Variants in KCNH8 observed in about 807,000 individuals in gnomAD.
KCNH8 encodes potassium voltage-gated channel subfamily H member 8, also known as voltage-gated delayed rectifier potassium channel KCNH8.
A neutral mutation model predicts 103.6 loss-of-function variants in KCNH8; 70 were observed. That is an observed-to-expected ratio of 0.68 (90% CI 0.56 to 0.82). The LOEUF (loss-of-function observed/expected upper bound fraction) is 0.82. KCNH8 is among the 40% of genes least tolerant of loss of function. The pLI is 0.00. For missense variants in KCNH8, 1,217 were observed against 1,329.9 expected (o/e 0.92, Z 1.32); for synonymous variants, 498 against 489.4 (o/e 1.02, Z -0.23).
At chr3:19,279,530 A>G (rs916245987) in intron 2 of KCNH8, among the ~76,000 whole-genome samples, 6 of 151,142 alleles carry the variant, frequency 4.0e-5, no homozygotes, top group African/African-American at 1.5e-4. Flanking sequence ...CATGGCATAG[A>G]TATTGGGGCA....
chr3:19,169,572 T>C (rs1175566873), intron 1 of KCNH8, among the ~76,000 whole-genome samples: 2 of 152,120 alleles, frequency 1.3e-5, no homozygotes, highest in South Asian at 2.1e-4. Context: ...TTTTCTAACA[T>C]TGGAATGAAA....
At chr3:19,157,887 C>T (rs2063196565) in intron 1 of KCNH8, among the ~76,000 whole-genome samples, 3 of 151,626 alleles carry the variant, frequency 2.0e-5, no homozygotes, top group Admixed American at 2.0e-4. Context: ...GAATTGTATA[C>T]ATTGTCCCAG....
chr3:19,245,472 TA>T (rs1240607072), intron 1 of KCNH8, among the ~76,000 whole-genome samples: 1 of 152,232 alleles, frequency 6.6e-6, no homozygotes, highest in East Asian at 1.9e-4. Flanking sequence ...AATTTTAGAA[TA>T]TTTTATTCTA....
At chr3:19,464,637 A>G (rs1178887010) in intron 11 of KCNH8, among the ~76,000 whole-genome samples, 3 of 152,162 alleles carry the variant, frequency 2.0e-5, no homozygotes, top group Admixed American at 6.5e-5. Flanking sequence ...TTTGAAAAAG[A>G]AAGAATATCC....
chr3:19,345,108 A>G (rs1163215154), intron 4 of KCNH8, among the ~76,000 whole-genome samples: 1 of 152,072 alleles, frequency 6.6e-6, no homozygotes, highest in African/African-American at 2.4e-5. Flanking sequence ...TTTGCCTGGT[A>G]TACCTTGAAA....
intron 8 of KCNH8, among the ~76,000 whole-genome samples, chr3:19,442,497 G>A (rs1297267489): frequency 6.6e-6 from 1 of 152,148 alleles, no homozygotes; most frequent in East Asian, 1.9e-4. Context: ...GCTGTTCTCT[G>A]TAGGTAGGTG....
chr3:19,186,359 G>A (rs996072579), intron 1 of KCNH8, among the ~76,000 whole-genome samples: 1 of 150,826 alleles, frequency 6.6e-6, no homozygotes, highest in Non-Finnish European at 1.5e-5. Flanking sequence ...CTTTACACTT[G>A]CACATGCCTT....
chr3:19,219,283 C>T (rs1355048732), intron 1 of KCNH8, among the ~76,000 whole-genome samples: 1 of 152,086 alleles, frequency 6.6e-6, no homozygotes, highest in East Asian at 1.9e-4. Context: ...AAAATCTTAC[C>T]CCAACTCCTC....
At chr3:19,310,464 A>G (rs548328637) in intron 3 of KCNH8, among the ~76,000 whole-genome samples, 1 of 152,052 alleles carries the variant, frequency 6.6e-6, no homozygotes, top group Admixed American at 6.6e-5. Flanking sequence ...AAATGTCAAT[A>G]TATAGGATGT....
chr3:19,515,491 T>G (rs1172183659), intron 14 of KCNH8, 63 bp downstream of exon 14: 1 of 751,602 alleles, frequency 1.3e-6, no homozygotes, highest in South Asian at 2.7e-5. Flanking sequence ...TAATGTTTGT[T>G]ATGGGCATTT....
chr3:19,371,079 T>G (rs1466648399), intron 5 of KCNH8, among the ~76,000 whole-genome samples: 2 of 152,018 alleles, frequency 1.3e-5, no homozygotes, highest in South Asian at 2.1e-4. Flanking sequence ...TACGTGTGCA[T>G]GTGTCTTTAT....
chr3:19,201,194 T>C (rs2063656133), intron 1 of KCNH8, among the ~76,000 whole-genome samples: 1 of 110,618 alleles, frequency 9.0e-6, no homozygotes, highest in African/African-American at 3.5e-5. Flanking sequence ...ATCACACCAC[T>C]GCACTCCAGC....
At chr3:19,433,936 T>C (rs1171115726) in intron 7 of KCNH8, among the ~76,000 whole-genome samples, 1 of 152,246 alleles carries the variant, frequency 6.6e-6, no homozygotes, top group Admixed American at 6.5e-5. Flanking sequence ...CTAACCTCTT[T>C]GGCTCTATTT....
At chr3:19,349,226 G>C (rs146096575) in intron 5 of KCNH8, among the ~76,000 whole-genome samples, 1 of 151,742 alleles carries the variant, frequency 6.6e-6, no homozygotes, top group Admixed American at 6.6e-5. Context: ...AACCATAAAG[G>C]GATCTATTAA....
chr3:19,440,706 A>G (rs2067270216), intron 8 of KCNH8, among the ~76,000 whole-genome samples: 1 of 152,164 alleles, frequency 6.6e-6, no homozygotes, highest in African/African-American at 2.4e-5. Flanking sequence ...TCAAGTGTAT[A>G]ACCAAATACT....
At chr3:19,435,427 G>T (rs1252566626) in intron 7 of KCNH8, among the ~76,000 whole-genome samples, 2 of 152,086 alleles carry the variant, frequency 1.3e-5, no homozygotes, top group African/African-American at 4.8e-5. Flanking sequence ...TATTCCATAG[G>T]GTTAGTACAC....
intron 5 of KCNH8, among the ~76,000 whole-genome samples, chr3:19,365,508 A>T (rs938420177): frequency 3.3e-5 from 5 of 152,050 alleles, no homozygotes; most frequent in African/African-American, 1.2e-4. Context: ...CCGCATCTTA[A>T]TTGTTACGCA....
rs2067338888 is a variant in KCNH8, at chr3:19,444,834, T to G, written c.1376-5272T>G. Among the ~76,000 whole-genome samples, 4 of 151,950 alleles carry G rather than the reference T, an allele frequency of 2.6e-5. No individual in the cohort carries two copies. The South Asian group carries it at 8.3e-4, about 31-fold the overall frequency. ...ACCAAAATGATATGTTTAAAAACAC[T>G]GCAACCCTAAGTGTTTGAGAGGATA... On this transcript the variant is annotated intron_variant, in intron 8 of 15. Coordinates refer to ENST00000328405, the MANE Select transcript of KCNH8 (RefSeq NM_144633.3).
In KCNH8 at chr3:19,378,054, G is replaced by A. The variant is rs190080030; in HGVS notation, c.812-12427G>A. Among the ~76,000 whole-genome samples, 206 of 152,280 alleles carry A rather than the reference G, an allele frequency of 1.4e-3. 1 individual carries two copies. Among genetic ancestry groups the A allele is most frequent in the Non-Finnish European group, 3.7e-4 (25 of 68,026 alleles). On this transcript the variant is annotated intron_variant, in intron 5 of 15. Transcript: ENST00000328405. ...GTATATGTGTTGAGGGGAGTTGTGC[G>A]TGTTGGGGGCGGTTCTCTTAGATAA... is the stretch of plus-strand genomic sequence containing the variant.
Sources: allele counts gnomAD v4.1 joint callset (sites outside exome capture counted in the v4.1 genomes callset), GRCh38; gene constraint gnomAD v4.1.1; transcripts MANE v1.5; gene names NCBI Gene and HGNC (gene_info 2026-07-23, HGNC 2026-07-21).